Variants in DOCK5 observed in about 807,000 individuals in gnomAD.
DOCK5 encodes the protein dedicator of cytokinesis protein 5.
DOCK5 carries 142 observed loss-of-function variants against 251.8 expected under a neutral mutation model. That is an observed-to-expected ratio of 0.56 (90% CI 0.49 to 0.65). The LOEUF is 0.65. Among genes scored for constraint, DOCK5 ranks in the 30% least tolerant of loss-of-function variants. The probability of loss-of-function intolerance (pLI) is 0.00; values close to 1 mark genes in which losing one functional copy is unlikely to be tolerated. For missense variants in DOCK5, 2,111 were observed against 2,312.3 expected (o/e 0.91, Z 1.79); for synonymous variants, 842 against 835.5 (o/e 1.01, Z -0.13).
chr8:25,297,541 A>G (rs935148557), intron 7 of DOCK5, among the ~76,000 whole-genome samples: 3 of 152,086 alleles, frequency 2.0e-5, no homozygotes. Flanking sequence ...GGCGTGAGCC[A>G]CCAAGCCTGG....
At chr8:25,236,395 C>T (rs1802797455) in intron 1 of DOCK5, among the ~76,000 whole-genome samples, 1 of 152,136 alleles carries the variant, frequency 6.6e-6, no homozygotes, top group African/African-American at 2.4e-5. Context: ...ATATGATTTT[C>T]TTGTCCTTAT....
At chr8:25,238,403 G>A (rs929426596) in intron 1 of DOCK5, among the ~76,000 whole-genome samples, 3 of 152,240 alleles carry the variant, frequency 2.0e-5, no homozygotes, top group Admixed American at 6.5e-5. Context: ...CGCTGGAAAT[G>A]TGAGGTATAT....
intron 38 of DOCK5, among the ~76,000 whole-genome samples, chr8:25,379,525 T>C (rs988545618): frequency 6.6e-6 from 1 of 152,184 alleles, no homozygotes; most frequent in South Asian, 2.1e-4. Context: ...TCTGTTCTTT[T>C]TCAAGGTGCA....
intron 22 of DOCK5, among the ~76,000 whole-genome samples, chr8:25,339,095 C>T (rs1454564275): frequency 3.3e-5 from 5 of 152,032 alleles, no homozygotes; most frequent in Admixed American, 6.6e-5. Context: ...CAATGTGCGT[C>T]CCCTGGTTGC....
intron 22 of DOCK5, among the ~76,000 whole-genome samples, chr8:25,336,784 C>CT (rs1482099015): frequency 3.9e-5 from 6 of 152,150 alleles, no homozygotes; most frequent in Non-Finnish European, 7.4e-5. Flanking sequence ...ACCTGGGCAA[C>CT]TAAGCACTAG....
chr8:25,225,585 A>G (rs1486167250), intron 1 of DOCK5, among the ~76,000 whole-genome samples: 1 of 152,022 alleles, frequency 6.6e-6, no homozygotes, highest in African/African-American at 2.4e-5. Context: ...GGGCACCTGT[A>G]GTCCCAGCTA....
chr8:25,372,784 G>A lies in DOCK5; in HGVS notation c.3684+66G>A, dbSNP rs1009560934. 10 of 1,480,682 alleles carry A rather than the reference G, an allele frequency of 6.8e-6. No homozygotes were observed. The East Asian group carries it at 2.3e-4, about 34-fold the overall frequency. The allele number at this position is 1,480,682 out of a possible 1,614,324, so 91.7% of individuals were successfully genotyped here. ...GGCCGCCCCTGCACCCTACAGCTCAGCTCTAGGTAGATCCCACAAACACAG... is the reference window on the plus strand; with the variant it reads ...GGCCGCCCCTGCACCCTACAGCTCAACTCTAGGTAGATCCCACAAACACAG... On this transcript the variant is annotated intron_variant, in intron 35 of 51. Coordinates refer to ENST00000276440, the MANE Select transcript of DOCK5 (RefSeq NM_024940.8).
At chr8:25,372,931 T>A (rs1445071358) in intron 35 of DOCK5, among the ~76,000 whole-genome samples, 2 of 152,238 alleles carry the variant, frequency 1.3e-5, no homozygotes, top group East Asian at 1.9e-4. Flanking sequence ...TTTTTGATTG[T>A]TTGTTTTAAT....
chr8:25,279,434 G>T (rs1477839327), intron 5 of DOCK5, among the ~76,000 whole-genome samples: 1 of 151,910 alleles, frequency 6.6e-6, no homozygotes, highest in Admixed American at 6.6e-5. Context: ...CAGCAAGTCT[G>T]CCTCATCTCC....
intron 5 of DOCK5, among the ~76,000 whole-genome samples, chr8:25,284,685 G>T (rs1392702642): frequency 6.6e-6 from 1 of 152,246 alleles, no homozygotes; most frequent in Non-Finnish European, 1.5e-5. Flanking sequence ...TAGATGGGCG[G>T]ATGCCCATGC....
chr8:25,402,359 C>T (rs1201819135), intron 47 of DOCK5, among the ~76,000 whole-genome samples: 3 of 151,930 alleles, frequency 2.0e-5, no homozygotes, highest in East Asian at 1.9e-4. Flanking sequence ...TGCAGTGGCA[C>T]GATCTCAGCT....
Position 25,292,031 on chromosome 8 carries a change from A to G in DOCK5, c.329A>G (p.Lys110Arg), listed in dbSNP as rs545536184. 3.1e-6 allele frequency: 5 copies of G among 1,595,632 alleles called. No homozygotes were observed. In the South Asian group the frequency reaches 4.6e-5, roughly 15 times the overall value. The change falls in exon 6 of 52, where the codon AAG becomes AGG. Residue 110 changes from lysine (K) to arginine (R), a missense_variant. Lys to Arg is a conservative substitution (Grantham distance 26). Coordinates refer to ENST00000276440, the MANE Select transcript of DOCK5 (RefSeq NM_024940.8). ...CATATTTTCTCATCTTAGAACAACAAGCTCACCCTCTTCCGCCAGCTGCAG... is the reference window on the plus strand; with the variant it reads ...CATATTTTCTCATCTTAGAACAACAGGCTCACCCTCTTCCGCCAGCTGCAG... ...VIWRKLYVNNKLTLFRQLQQM... is the reference protein window; with the variant it reads ...VIWRKLYVNNRLTLFRQLQQM...
In DOCK5 at chr8:25,336,819, T is replaced by C. The variant is rs1249668971; in HGVS notation, c.2327+446T>C. Among the ~76,000 whole-genome samples, 5 of 152,268 alleles carry C rather than the reference T, an allele frequency of 3.3e-5. No homozygotes were observed. The East Asian group carries it at 9.7e-4, about 29-fold the overall frequency. On this transcript the variant is annotated intron_variant, in intron 22 of 51. Coordinates refer to ENST00000276440, the MANE Select transcript of DOCK5 (RefSeq NM_024940.8). ...GAGACAGGATTATTCCCTGTTTGGA[T>C]TTCTAGCATAACAGTTCCATCAAAA...
chr8:25,206,172 C>T (rs1007126662), intron 1 of DOCK5, among the ~76,000 whole-genome samples: 4 of 152,088 alleles, frequency 2.6e-5, no homozygotes, highest in Non-Finnish European at 4.4e-5. Context: ...CTGGCCCTAA[C>T]GCAGTTATTT....
chr8:25,374,238 G>GA (rs1800923940), intron 36 of DOCK5, among the ~76,000 whole-genome samples: 1 of 152,074 alleles, frequency 6.6e-6, no homozygotes, highest in Non-Finnish European at 1.5e-5. Flanking sequence ...CAGTAGTGGG[G>GA]AGGGGGGTCA....
chr8:25,382,655 G>A lies in DOCK5; in HGVS notation c.4027-19G>A. On this transcript the variant is annotated intron_variant, in intron 39 of 51. Coordinates refer to ENST00000276440, the MANE Select transcript of DOCK5 (RefSeq NM_024940.8). ...TGTACTTATAACCTCCCCTTGGAATGTCTTGTTTTGTTTTCCAGAAAAAAA... is the reference window on the plus strand; with the variant it reads ...TGTACTTATAACCTCCCCTTGGAATATCTTGTTTTGTTTTCCAGAAAAAAA... 1 of 1,583,156 alleles carries A rather than the reference G, an allele frequency of 6.3e-7. No homozygotes were observed. Among genetic ancestry groups the A allele is most frequent in the South Asian group, 1.1e-5 (1 of 87,570 alleles).
chr8:25,197,038 TAA>T (rs5890208), intron 1 of DOCK5, among the ~76,000 whole-genome samples: 4 of 151,076 alleles, frequency 2.6e-5, no homozygotes, highest in African/African-American at 9.8e-5. Context: ...GTCTATTATT[TAA>T]AAAAAAAATT....
chr8:25,229,679 G>A (rs1586246830), intron 1 of DOCK5, among the ~76,000 whole-genome samples: 3 of 152,078 alleles, frequency 2.0e-5, no homozygotes, highest in East Asian at 3.9e-4. Flanking sequence ...ATATATATAT[G>A]AAGAAGGAAA....
rs1290311053 is a variant in DOCK5 at position 25,351,723 on chromosome 8, C to G, written c.2755-8C>G. ...AAGGAATGGAGTCAAATCCTGTGTT[C>G]CCTGCAGGGTGCCACTGCGGTGCAC... On this transcript the variant is annotated splice_polypyrimidine_tract_variant and splice_region_variant and intron_variant, in intron 26 of 51. Transcript: ENST00000276440. The G allele has an allele frequency of 1.9e-6, 3 of 1,610,896 alleles. No individual in the cohort carries two copies. In the South Asian group the frequency reaches 3.3e-5, roughly 18 times the overall value.
Sources: gnomAD v4.1 joint callset for allele counts (sites outside exome capture counted in the v4.1 genomes callset) on GRCh38, gnomAD v4.1.1 for gene constraint, MANE v1.5 for transcripts, NCBI Gene and HGNC (gene_info 2026-07-23, HGNC 2026-07-21) for gene names.